KIFAP3: variants seen among roughly 807,000 people sequenced by gnomAD.
The protein encoded by KIFAP3 is kinesin associated protein 3.
Under a neutral mutation model 106.5 loss-of-function variants are expected in KIFAP3, and 68 were observed. That is an observed-to-expected ratio of 0.64 (90% CI 0.53 to 0.78). The LOEUF is 0.78. Among genes scored for constraint, KIFAP3 ranks in the 30% least tolerant of loss-of-function variants. The probability of loss-of-function intolerance (pLI) is 0.00; values close to 1 mark genes in which losing one functional copy is unlikely to be tolerated. For synonymous variants in KIFAP3, 320 were observed against 311.5 expected (o/e 1.03, Z -0.29); for missense variants, 780 against 941.8 (o/e 0.83, Z 2.25).
upstream of KIFAP3, among the ~76,000 whole-genome samples, chr1:170,075,082 C>T (rs28364665): frequency 0.029 from 4,378 of 152,276 alleles, 173 homozygotes; most frequent in East Asian, 0.12. Flanking sequence ...AAGTCTGTCA[C>T]TTTGATGTCT....
At chr1:170,065,472 G>C (rs1302041575) in intron 1 of KIFAP3, among the ~76,000 whole-genome samples, 1 of 151,720 alleles carries the variant, frequency 6.6e-6, no homozygotes, top group Non-Finnish European at 1.5e-5. Flanking sequence ...AAATTAGCTG[G>C]GCATGGTGGC....
At chr1:170,034,629 TC>T (rs1669583923) in intron 6 of KIFAP3, 133 bp from the exon 7 acceptor site, 3 of 441,212 alleles carry the variant, frequency 6.8e-6, no homozygotes, top group Non-Finnish European at 1.2e-5. Context: ...AATGAATATA[TC>T]CACAATACAC....
At chr1:170,012,973 G>A (rs1319504783) in intron 10 of KIFAP3, among the ~76,000 whole-genome samples, 2 of 152,042 alleles carry the variant, frequency 1.3e-5, no homozygotes, top group African/African-American at 4.8e-5. Flanking sequence ...CCCTTGAAAC[G>A]TGGGGATTAT....
chr1:169,925,160 T>C (rs1416434163), intron 19 of KIFAP3, among the ~76,000 whole-genome samples: 1 of 152,202 alleles, frequency 6.6e-6, no homozygotes, highest in Admixed American at 6.5e-5. Flanking sequence ...TAGACTAGTA[T>C]ATGCAACTAT....
intron 19 of KIFAP3, among the ~76,000 whole-genome samples, chr1:169,944,491 C>A (rs1664317501): frequency 6.6e-6 from 1 of 152,116 alleles, no homozygotes; most frequent in South Asian, 2.1e-4. Context: ...GCTCTTCCCT[C>A]CTTCTCGTTT....
At chr1:170,068,743 A>G (rs1046560774) in intron 1 of KIFAP3, 1 of 152,054 alleles carries the variant, frequency 6.6e-6, no homozygotes, top group Non-Finnish European at 1.5e-5. Flanking sequence ...GATAAACTCA[A>G]ACAGATCCAC....
chr1:169,978,058 T>C, intron 16 of KIFAP3, 27 bp downstream of exon 16: 3 of 1,416,112 alleles, frequency 2.1e-6, no homozygotes, highest in Non-Finnish European at 3.0e-6. Flanking sequence ...GAAATATTGT[T>C]ATCTACGGTA....
At chr1:170,081,307 A>G (rs187147222) in intron 1 of KIFAP3, among the ~76,000 whole-genome samples, 14 of 152,366 alleles carry the variant, frequency 9.2e-5, no homozygotes, top group Admixed American at 9.1e-4. Flanking sequence ...TTTATTAGTT[A>G]TCATGGAACT....
At chr1:169,972,740 T>A in intron 16 of KIFAP3, 142 bp from the exon 17 acceptor site, 1 of 504,906 alleles carries the variant, frequency 2.0e-6, no homozygotes. Context: ...TAATACAAGA[T>A]GACCAAAAAC....
intron 2 of KIFAP3, among the ~76,000 whole-genome samples, chr1:170,047,762 A>G (rs1282573969): frequency 1.3e-5 from 2 of 152,146 alleles, no homozygotes; most frequent in Non-Finnish European, 2.9e-5. Flanking sequence ...TTTTAAAGTT[A>G]GCCCAGGAGA....
upstream of KIFAP3, among the ~76,000 whole-genome samples, chr1:170,079,062 A>C: frequency 6.6e-6 from 1 of 152,210 alleles, no homozygotes; most frequent in Non-Finnish European, 1.5e-5. Flanking sequence ...CTTATGTTAA[A>C]GTTTGATCTC....
chr1:170,028,861 T>G (rs532342019), intron 8 of KIFAP3, among the ~76,000 whole-genome samples: 2 of 151,978 alleles, frequency 1.3e-5, no homozygotes, highest in East Asian at 3.9e-4. Context: ...AACAAAAGAC[T>G]TATAGCTAAG....
intron 10 of KIFAP3, among the ~76,000 whole-genome samples, chr1:170,015,368 C>G (rs1350852846): frequency 6.6e-6 from 1 of 152,078 alleles, no homozygotes; most frequent in Non-Finnish European, 1.5e-5. Flanking sequence ...AAATTCAAGA[C>G]CAATCAACTT....
Position 169,982,045 on chromosome 1 carries a change from T to C in KIFAP3, c.1725A>G (p.Val575=). 1 of 1,613,230 alleles carries C rather than the reference T, an allele frequency of 6.2e-7. No individual in the cohort carries two copies. Among genetic ancestry groups the C allele is most frequent in the Non-Finnish European group, 8.5e-7 (1 of 1,179,246 alleles). Residue 575 remains valine, a synonymous_variant, in exon 15 of 20, where the codon GTA becomes GTG. Coordinates refer to ENST00000361580, the MANE Select transcript of KIFAP3 (RefSeq NM_014970.4). ...VLEVVIMIGT[V]SMDDSCAALL... ...ATGCAGCACAAGAGTCATCCATGGA[T>C]ACAGTTCCAATCATTATAACCACTT... is the stretch of plus-strand genomic sequence containing the variant.
intron 18 of KIFAP3, among the ~76,000 whole-genome samples, chr1:169,957,315 A>T (rs1048856987): frequency 1.1e-4 from 17 of 152,212 alleles, no homozygotes; most frequent in Non-Finnish European, 2.2e-4. Flanking sequence ...GCTATAGAGT[A>T]TTATACACAT....
rs114231644 is a variant in KIFAP3 at position 170,047,228 on chromosome 1, C to A, written c.165-362G>T. Among the ~76,000 whole-genome samples the A allele has an allele frequency of 8.2e-3, 1,250 of 152,106 alleles. 12 individuals are homozygous for A. Among genetic ancestry groups the A allele is most frequent in the Non-Finnish European group, 0.012 (786 of 67,990 alleles). On this transcript the variant is annotated intron_variant, in intron 2 of 19. Transcript: ENST00000361580. ...TAAATCATTTTCTTGACCATACCCA[C>A]AAATGCTAACTTTTTTTCAGCTAGG... is the stretch of plus-strand genomic sequence containing the variant.
rs145406203 is a variant in KIFAP3, at chr1:169,973,105, G to GTGTA, written c.1898-508_1898-507insTACA. Among the ~76,000 whole-genome samples, 43 of 90,302 alleles carry GTGTA rather than the reference G, an allele frequency of 4.8e-4. 3 individuals are homozygous for GTGTA. Among genetic ancestry groups the GTGTA allele is most frequent in the African/African-American group, 1.5e-3 (32 of 21,890 alleles). 59.2% of individuals were successfully genotyped at this position (90,302 alleles called of 152,430 possible). On this transcript the variant is annotated intron_variant, in intron 16 of 19. Transcript: ENST00000361580. ...ATAAAAATAATTTAAAAAATAGTGT[G>GTGTA]TATATATATATATATATAAACAACA... is the stretch of plus-strand genomic sequence containing the variant.
intron 17 of KIFAP3, among the ~76,000 whole-genome samples, chr1:169,962,684 T>A (rs1357647544): frequency 6.6e-6 from 1 of 152,142 alleles, no homozygotes; most frequent in East Asian, 1.9e-4. Context: ...CACAATCACA[T>A]AATACATTTC....
intron 3 of KIFAP3, among the ~76,000 whole-genome samples, chr1:170,046,210 C>CAAAAAAAAAAAAAAAAAA (rs60580320): frequency 8.6e-4 from 49 of 56,880 alleles, no homozygotes; most frequent in East Asian, 1.3e-3. Context: ...TTCTCTGCTG[C>CAAAAAAAAAAAAAAAAAA]AAAAAAAAAA....
Sources: gnomAD v4.1 joint callset for allele counts (sites outside exome capture counted in the v4.1 genomes callset) on GRCh38, gnomAD v4.1.1 for gene constraint, MANE v1.5 for transcripts, NCBI Gene and HGNC (gene_info 2026-07-23, HGNC 2026-07-21) for gene names.